Variants in ASB12 observed in about 807,000 individuals in gnomAD.
The protein encoded by ASB12 is ankyrin repeat and SOCS box protein 12.
In ASB12, 17 loss-of-function variants were observed where a neutral mutation model predicts 13.7. That is an observed-to-expected ratio of 1.24 (90% confidence interval 0.85 to 1.86). The LOEUF (loss-of-function observed/expected upper bound fraction) is 1.86. Ranked by LOEUF, ASB12 falls within the 40% of genes most tolerant of loss-of-function variation. ASB12 has a pLI of 0.00. For missense variants in ASB12, 329 were observed against 250.5 expected (o/e 1.31, Z -2.11); for synonymous variants, 107 against 99.8 (o/e 1.07, Z -0.43).
rs758584690 is a variant in ASB12 at position 64,225,287 on chromosome X, C to T, written c.364G>A (p.Val122Ile). ...TAVSHGHLDCVRVLLEAGASP... is the reference protein window; with the variant it reads ...TAVSHGHLDCIRVLLEAGASP... The stretch of plus-strand genomic sequence containing the variant: ...GCACCAGCTTCCAAAAGCACACGTA[C>T]ACAGTCCAGATGGCCATGACTGACA... Residue 122 changes from valine (V) to isoleucine (I), a missense_variant, in exon 2 of 3, where the codon GTA becomes ATA. Val to Ile is a conservative substitution (Grantham distance 29). Transcript: ENST00000362002. 24 of 1,209,022 alleles carry T rather than the reference C, an allele frequency of 2.0e-5. No homozygotes were observed. Among genetic ancestry groups the T allele is most frequent in the Non-Finnish European group, 2.3e-5 (21 of 894,873 alleles).
chrX:64,228,693 A>T (rs904373468), intron 1 of ASB12, among the ~76,000 whole-genome samples: 1 of 111,621 alleles, frequency 9.0e-6, no homozygotes, highest in African/African-American at 3.3e-5. Context: ...CTCCCTACTT[A>T]ATGTTCTAGA....
In ASB12 at chrX:64,224,214, T is replaced by C; in HGVS notation, c.*121A>G. 1 of 815,799 alleles carries C rather than the reference T, an allele frequency of 1.2e-6. No individual in the cohort carries two copies. The highest frequency in any genetic ancestry group is 1.8e-6 in the Non-Finnish European group (1 of 565,996). The allele number at this position is 815,799 out of a possible 1,213,427, so 67.2% of individuals were successfully genotyped here. A position where few individuals can be genotyped will look rare whatever the true frequency, so the allele number is the denominator to read the frequency against. On this transcript the variant is annotated 3_prime_UTR_variant, in exon 3 of 3. Coordinates refer to ENST00000362002, the MANE Select transcript of ASB12 (RefSeq NM_130388.4). ...GGGACTTATTTTCTGGAGAATTTTA[T>C]TGTGGAGGATAATACAGGAGAGCAG...
Position 64,225,559 on chromosome X carries a change from G to T in ASB12, c.92C>A (p.Thr31Asn), listed in dbSNP as rs139142874. The T allele has an allele frequency of 3.3e-6, 4 of 1,208,646 alleles. No homozygotes were observed. Among genetic ancestry groups the T allele is most frequent in the Non-Finnish European group, 4.5e-6 (4 of 893,912 alleles). Residue 31 changes from threonine to asparagine, a missense_variant, in exon 2 of 3, where the codon ACT becomes AAT. Physicochemically the swap from Thr to Asn is moderately conservative, Grantham distance 65. Transcript: ENST00000362002. ...GAGAGCCTGCTTCTCCTCTGTGTCAGTGTCCTCCTCCTCCTTGTCGGGCTG... is the reference window on the plus strand; with the variant it reads ...GAGAGCCTGCTTCTCCTCTGTGTCATTGTCCTCCTCCTCCTTGTCGGGCTG... ...LLQPDKEEED[T>N]DTEEKQALNQ...
intron 1 of ASB12, chrX:64,226,829 G>GA: frequency 8.6e-6 from 5 of 579,512 alleles, no homozygotes; most frequent in South Asian, 9.1e-5. Flanking sequence ...TGAGGTCTCA[G>GA]GACCTCATAT....
Position 64,225,352 on chromosome X carries a change from T to C in ASB12, c.299A>G (p.Asp100Gly), listed in dbSNP as rs1199663194. Residue 100 changes from aspartate (D) to glycine (G), a missense_variant, in exon 2 of 3, where the codon GAC (aspartate) becomes GGC (glycine). Physicochemically the swap from Asp to Gly is moderately conservative, Grantham distance 94. Transcript: ENST00000362002. ...QVLLAHGADV[D>G]SLDVKAQTPL... ...CGTCTGTGCCTTGACATCCAAGCTG[T>C]CAACATCAGCACCATGGGCTAAGAG... 1 of 1,208,638 alleles carries C rather than the reference T, an allele frequency of 8.3e-7. No individual in the cohort carries two copies. The highest frequency in any genetic ancestry group is 1.8e-5 in the South Asian group (1 of 56,291).
chrX:64,224,268 C>T lies in ASB12; in HGVS notation c.*67G>A. On this transcript the variant is annotated 3_prime_UTR_variant, in exon 3 of 3. Transcript: ENST00000362002. Reference sequence around the variant, plus strand: ...CAGGTAAGTGGATGAGGCTGTAATGCTCTCCAGCTACGTGAGTCCCCAGGT... The same window carrying T: ...CAGGTAAGTGGATGAGGCTGTAATGTTCTCCAGCTACGTGAGTCCCCAGGT... 1.8e-6 allele frequency: 2 copies of T among 1,132,695 alleles called. No individual in the cohort carries two copies. Among genetic ancestry groups the T allele is most frequent in the Non-Finnish European group, 2.4e-6 (2 of 828,756 alleles). 93.3% of individuals were successfully genotyped at this position (1,132,695 alleles called of 1,213,427 possible). A position where few individuals can be genotyped will look rare whatever the true frequency, so the allele number is the denominator to read the frequency against.
At chrX:64,224,704 C>T (rs1930896432) in intron 2 of ASB12, 124 bp downstream of exon 2, 1 of 941,183 alleles carries the variant, frequency 1.1e-6, no homozygotes, top group Non-Finnish European at 1.4e-6. Flanking sequence ...TCTACTGGGG[C>T]CCCAGGAGAG....
At position 64,225,512 on chromosome X, in the gene ASB12, C is replaced by A; in HGVS notation, c.139G>T (p.Asp47Tyr). ...QALNQAVYDN[D>Y]SYTLDQLLRQ... ...AAAAGCTGGTCCAAAGTATAGGAGT[C>A]GTTGTCATACACTGCTTGATTGAGA... is the stretch of plus-strand genomic sequence containing the variant. Residue 47 changes from aspartate to tyrosine, a missense_variant, in exon 2 of 3, where the codon GAC becomes TAC. Physicochemically the swap from Asp to Tyr is radical, Grantham distance 160. Coordinates refer to ENST00000362002, the MANE Select transcript of ASB12 (RefSeq NM_130388.4). The A allele has an allele frequency of 8.3e-7, 1 of 1,210,058 alleles. No homozygotes were observed.
At chrX:64,226,417 G>A (rs1321903427) in intron 1 of ASB12, among the ~76,000 whole-genome samples, 3 of 112,097 alleles carry the variant, frequency 2.7e-5, no homozygotes, top group African/African-American at 9.8e-5. Flanking sequence ...TGAAGAGGTG[G>A]CATTACAAAG....
chrX:64,227,829 C>T (rs1203250125), intron 1 of ASB12, among the ~76,000 whole-genome samples: 3 of 111,547 alleles, frequency 2.7e-5, no homozygotes, highest in Non-Finnish European at 5.6e-5. Context: ...AAAACCAAGA[C>T]TCCTGTCAAT....
chrX:64,226,768 C>T (rs1930958437), intron 1 of ASB12: 2 of 751,589 alleles, frequency 2.7e-6, no homozygotes, highest in African/African-American at 2.3e-5. Context: ...TCAGGGCGAG[C>T]TGGCAGGTTT....
intron 1 of ASB12, chrX:64,226,769 TG>T (rs1930958503): frequency 2.7e-6 from 2 of 751,688 alleles, no homozygotes; most frequent in Non-Finnish European, 3.1e-6. Flanking sequence ...CAGGGCGAGC[TG>T]GCAGGTTTCT....
chrX:64,228,917 T>A (rs1389839402), intron 1 of ASB12, among the ~76,000 whole-genome samples: 1 of 111,432 alleles, frequency 9.0e-6, no homozygotes, highest in African/African-American at 3.3e-5. Flanking sequence ...TATCCCCATT[T>A]TTTGGATGGA....
chrX:64,228,356 C>T (rs1054809041), intron 1 of ASB12, among the ~76,000 whole-genome samples: 1 of 112,403 alleles, frequency 8.9e-6, no homozygotes, highest in Non-Finnish European at 1.9e-5. Context: ...AGTCATCACA[C>T]TGTATTGTAA....
Position 64,225,298 on chromosome X carries a change from T to G in ASB12, c.353A>C (p.His118Pro). 1.7e-6 allele frequency: 2 copies of G among 1,210,113 alleles called. No individual in the cohort carries two copies. The highest frequency in any genetic ancestry group is 2.2e-6 in the Non-Finnish European group (2 of 894,869). The change falls in exon 2 of 3, where the codon CAT becomes CCT. Residue 118 changes from histidine to proline, a missense_variant. By Grantham distance (77) the His-to-Pro change is moderately conservative (BLOSUM62 -2). Coordinates refer to ENST00000362002, the MANE Select transcript of ASB12 (RefSeq NM_130388.4). ...CAAAAGCACACGTACACAGTCCAGA[T>G]GGCCATGACTGACAGCAGTGAAAAG... ...TPLFTAVSHG[H>P]LDCVRVLLEA...
chrX:64,225,224 C>T lies in ASB12; in HGVS notation c.427G>A (p.Val143Met), dbSNP rs200616924. The change falls in exon 2 of 3, where the codon GTG (valine) becomes ATG (methionine). Residue 143 changes from valine to methionine, a missense_variant. Physicochemically the swap from Val to Met is conservative, Grantham distance 21. Coordinates refer to ENST00000362002, the MANE Select transcript of ASB12 (RefSeq NM_130388.4). ...GGSIYNNCSPVLTAARDGAVA... is the reference protein window; with the variant it reads ...GGSIYNNCSPMLTAARDGAVA... The stretch of plus-strand genomic sequence containing the variant: ...GCACCATCACGGGCAGCTGTGAGCA[C>T]GGGAGAACAGTTGTTGTAGATGCTA... The T allele has an allele frequency of 3.8e-5, 46 of 1,209,684 alleles. No individual in the cohort carries two copies. The highest frequency in any genetic ancestry group is 1.4e-4 in the African/African-American group (8 of 57,116).
Position 64,229,562 on chromosome X carries a change from G to A in ASB12, c.-25+901C>T, listed in dbSNP as rs977801506. Among the ~76,000 whole-genome samples, 6 of 111,872 alleles carry A rather than the reference G, an allele frequency of 5.4e-5. No individual in the cohort carries two copies. The East Asian group carries it at 1.7e-3, about 31-fold the overall frequency. ...TGATATTGGTTCCTGTGACAAACTA[G>A]CAAAGTCTGTAAACACCTTTCAGAA... On this transcript the variant is annotated intron_variant, in intron 1 of 2. Coordinates refer to ENST00000362002, the MANE Select transcript of ASB12 (RefSeq NM_130388.4).
rs1188817994 is a variant in ASB12 at position 64,224,220 on chromosome X, A to G, written c.*115T>C. ...TATTTTCTGGAGAATTTTATTGTGG[A>G]GGATAATACAGGAGAGCAGCTCCAG... On this transcript the variant is annotated 3_prime_UTR_variant, in exon 3 of 3. Transcript: ENST00000362002. 4 of 833,829 alleles carry G rather than the reference A, an allele frequency of 4.8e-6. No individual in the cohort carries two copies. Among genetic ancestry groups the G allele is most frequent in the African/African-American group, 2.0e-5 (1 of 48,955 alleles). The allele number at this position is 833,829 out of a possible 1,213,427, so 68.7% of individuals were successfully genotyped here. A position where few individuals can be genotyped will look rare whatever the true frequency, so the allele number is the denominator to read the frequency against.
intron 1 of ASB12, chrX:64,226,657 C>T (rs1930956772): frequency 1.4e-6 from 1 of 690,084 alleles, no homozygotes; most frequent in Non-Finnish European, 1.7e-6. Context: ...CCATAATCCT[C>T]ACCCTACAAA....
Sources: gnomAD v4.1 joint callset for allele counts (sites outside exome capture counted in the v4.1 genomes callset) on GRCh38, gnomAD v4.1.1 for gene constraint, MANE v1.5 for transcripts, NCBI Gene and HGNC (gene_info 2026-07-23, HGNC 2026-07-21) for gene names.